Variants in PCDHA3 observed in about 807,000 individuals in gnomAD.
PCDHA3 encodes the protein protocadherin alpha 3.
Under a neutral mutation model 62.2 loss-of-function variants are expected in PCDHA3, and 41 were observed. The observed-to-expected ratio is 0.66, with a 90% CI of 0.51 to 0.86. PCDHA3 has a LOEUF of 0.86. PCDHA3 is among the 40% of genes least tolerant of loss of function. The probability of loss-of-function intolerance (pLI) is 0.00; values close to 1 mark genes in which losing one functional copy is unlikely to be tolerated. For missense variants in PCDHA3, 1,304 were observed against 1,241.2 expected (o/e 1.05, Z -0.76); for synonymous variants, 640 against 555.4 (o/e 1.15, Z -2.14).
chr5:140,877,917 T>G (rs2057395668), intron 1 of PCDHA3: 2 of 1,427,712 alleles, frequency 1.4e-6, no homozygotes, highest in Admixed American at 2.9e-5. Context: ...TTCTCTCATT[T>G]TTCTTTATGA....
At chr5:140,961,108 C>T (rs1027018505) in intron 1 of PCDHA3, among the ~76,000 whole-genome samples, 1 of 152,174 alleles carries the variant, frequency 6.6e-6, no homozygotes, top group Non-Finnish European at 1.5e-5. Flanking sequence ...CACCCAACCC[C>T]CTTGCATCTT....
chr5:140,824,615 T>TTG (rs1554129952), intron 1 of PCDHA3: 1 of 126,010 alleles, frequency 7.9e-6, no homozygotes, highest in Non-Finnish European at 1.6e-5. Context: ...TTAAAGTTTT[T>TTG]TTTTTTTTTT....
At chr5:140,858,843 T>C (rs1373810997) in intron 1 of PCDHA3, 2 of 313,860 alleles carry the variant, frequency 6.4e-6, no homozygotes, top group Non-Finnish European at 1.2e-5. Context: ...AAAATTCCAC[T>C]GATCTATATC....
At chr5:140,829,476 T>C in intron 1 of PCDHA3, 1 of 1,613,798 alleles carries the variant, frequency 6.2e-7, no homozygotes, top group South Asian at 1.1e-5. Flanking sequence ...GAGTACACAG[T>C]GTTCGTGAAG....
rs2150398719 is a variant in PCDHA3 at position 140,847,297 on chromosome 5, C to G, written c.2394+43706C>G. ...GAACGGGAAGACAAACTCAGAAGCT[C>G]CTGCAGTAATCAAGGACAGAAGCAA... On this transcript the variant is annotated intron_variant, in intron 1 of 3. Transcript: ENST00000522353. Among the ~76,000 whole-genome samples the G allele has an allele frequency of 1.1e-4, 16 of 149,638 alleles. 2 individuals carry two copies. The highest frequency in any genetic ancestry group is 3.9e-4 in the African/African-American group (16 of 40,870).
In PCDHA3 at chr5:140,876,724, G is replaced by A. The variant is rs140611870; in HGVS notation, c.2394+73133G>A. On this transcript the variant is annotated intron_variant, in intron 1 of 3. Transcript: ENST00000522353. The stretch of plus-strand genomic sequence containing the variant: ...GGACAGCGCCCTGGACCGCGAGAGC[G>A]TGTCGGCCTATGAGCTGGTGGTGAC... The A allele has an allele frequency of 2.3e-4, 378 of 1,614,246 alleles. 3 individuals are homozygous for A. In the East Asian group the frequency reaches 2.9e-3, roughly 13 times the overall value.
intron 1 of PCDHA3, chr5:140,813,615 T>A (rs2126648009): frequency 6.6e-6 from 1 of 152,216 alleles, no homozygotes; most frequent in Non-Finnish European, 1.5e-5. Flanking sequence ...GAATGGTGAG[T>A]GAATGTGAAG....
rs782722148 is a variant in PCDHA3 at position 140,857,308 on chromosome 5, T to C, written c.2394+53717T>C. 3.4e-5 allele frequency: 54 copies of C among 1,598,232 alleles called. 3 individuals carry two copies. The highest frequency in any genetic ancestry group is 4.5e-5 in the Non-Finnish European group (53 of 1,167,612). On this transcript the variant is annotated intron_variant, in intron 1 of 3. Transcript: ENST00000522353. ...TGGACCGCGAGAGGGTGTCGGCCTA[T>C]GAGCTGGTGGTGACCGCGCGGGACG...
intron 1 of PCDHA3, among the ~76,000 whole-genome samples, chr5:140,934,604 G>C (rs1389000917): frequency 6.6e-6 from 1 of 151,762 alleles, no homozygotes; most frequent in Non-Finnish European, 1.5e-5. Context: ...TCAACTATTT[G>C]ATTAGCCTGA....
intron 3 of PCDHA3, among the ~76,000 whole-genome samples, chr5:140,985,542 C>T (rs2097157092): frequency 6.6e-6 from 1 of 152,106 alleles, no homozygotes; most frequent in African/African-American, 2.4e-5. Context: ...GGTGAAGATG[C>T]AGTTGCTTCC....
intron 3 of PCDHA3, 116 bp downstream of exon 3, chr5:140,982,679 C>T: frequency 7.0e-7 from 1 of 1,436,546 alleles, no homozygotes; most frequent in Non-Finnish European, 9.2e-7. Flanking sequence ...TTGTTATTCC[C>T]TTTTTTCCAT....
intron 1 of PCDHA3, among the ~76,000 whole-genome samples, chr5:140,846,323 T>G (rs2150386920): frequency 0.12 from 17,165 of 148,320 alleles, 3,122 homozygotes; most frequent in African/African-American, 0.34. Flanking sequence ...TAGAGTGTTG[T>G]AAATAGCCTT....
chr5:140,982,802 T>G (rs2153829847), intron 3 of PCDHA3, among the ~76,000 whole-genome samples: 1 of 152,122 alleles, frequency 6.6e-6, no homozygotes, highest in South Asian at 2.1e-4. Context: ...TGCATGTGTG[T>G]GTGTGTGTAT....
intron 1 of PCDHA3, among the ~76,000 whole-genome samples, chr5:140,975,935 C>T (rs1351802479): frequency 6.6e-6 from 1 of 152,060 alleles, no homozygotes; most frequent in East Asian, 1.9e-4. Flanking sequence ...ACCTTTGAAG[C>T]AATAGGACAT....
At chr5:140,932,114 G>A (rs2088047655) in intron 1 of PCDHA3, among the ~76,000 whole-genome samples, 1 of 151,738 alleles carries the variant, frequency 6.6e-6, no homozygotes. Context: ...ATTTCCAATT[G>A]ATAATATTTA....
At chr5:140,862,330 T>A in intron 1 of PCDHA3, 1 of 326,684 alleles carries the variant, frequency 3.1e-6, no homozygotes, top group Non-Finnish European at 6.0e-6. Flanking sequence ...TCAGTGTAAT[T>A]GACCCTAACT....
chr5:140,887,803 C>T (rs2061589449), intron 1 of PCDHA3, among the ~76,000 whole-genome samples: 2 of 152,050 alleles, frequency 1.3e-5, no homozygotes, highest in Admixed American at 1.3e-4. Flanking sequence ...TTATTTTTGT[C>T]CATTTCTTTC....
intron 1 of PCDHA3, chr5:140,853,042 C>T (rs1417504758): frequency 3.7e-6 from 1 of 269,692 alleles, no homozygotes; most frequent in African/African-American, 2.3e-5. Flanking sequence ...CCATGCCCGC[C>T]TAATTTTTTT....
chr5:141,008,072 T>G (rs1419103459), intron 3 of PCDHA3, among the ~76,000 whole-genome samples: 3 of 152,154 alleles, frequency 2.0e-5, no homozygotes, highest in African/African-American at 7.2e-5. Context: ...TAAGAACTTA[T>G]TGGGGTTATT....
Sources: gnomAD v4.1 joint callset for allele counts (sites outside exome capture counted in the v4.1 genomes callset) on GRCh38, gnomAD v4.1.1 for gene constraint, MANE v1.5 for transcripts, NCBI Gene and HGNC (gene_info 2026-07-23, HGNC 2026-07-21) for gene names.